SSBP2: variants seen among roughly 807,000 people sequenced by gnomAD.
The protein encoded by SSBP2 is single stranded DNA binding protein 2.
In SSBP2, 17 loss-of-function variants were observed where a neutral mutation model predicts 61.8. The ratio of observed to expected loss-of-function variants is 0.28; its 90% CI spans 0.19 to 0.41. The LOEUF is 0.41. Among genes scored for constraint, SSBP2 ranks in the 10% least tolerant of loss-of-function variants. The pLI, the probability that SSBP2 is intolerant of heterozygous loss-of-function variation, is 1.00. For synonymous variants in SSBP2, 139 were observed against 141.3 expected (o/e 0.98, Z 0.12); for missense variants, 310 against 458.7 (o/e 0.68, Z 2.96).
At chr5:81,651,445 A>C (rs1339620675) in intron 1 of SSBP2, among the ~76,000 whole-genome samples, 1 of 152,196 alleles carries the variant, frequency 6.6e-6, no homozygotes, top group African/African-American at 2.4e-5. Context: ...TTCTTTCCCC[A>C]TTCCAAAATT....
chr5:81,653,926 A>G (rs1329559827), intron 1 of SSBP2, among the ~76,000 whole-genome samples: 1 of 151,982 alleles, frequency 6.6e-6, no homozygotes, highest in African/African-American at 2.4e-5. Flanking sequence ...CTGTAGTGAC[A>G]TCTTCCGTCC....
rs1223978721 is a variant in SSBP2, at chr5:81,455,823, C to T, written c.687+5232G>A. ...AGAATAAAATTAAGGGCCACACATA[C>T]TGTCTGGCTAATCTAGACAGATCAC... On this transcript the variant is annotated intron_variant, in intron 10 of 16. Transcript: ENST00000320672. Among the ~76,000 whole-genome samples, 4 of 152,138 alleles carry T rather than the reference C, an allele frequency of 2.6e-5. No homozygotes were observed. In the East Asian group the frequency reaches 5.8e-4, roughly 22 times the overall value.
Position 81,587,279 on chromosome 5 carries a change from A to G in SSBP2, c.282+28194T>C, listed in dbSNP as rs545504364. Among the ~76,000 whole-genome samples, 4 of 152,354 alleles carry G rather than the reference A, an allele frequency of 2.6e-5. No homozygotes were observed. The South Asian group carries it at 8.3e-4, about 32-fold the overall frequency. On this transcript the variant is annotated intron_variant, in intron 4 of 16. Transcript: ENST00000320672. ...ATTTCATCCTTCGTACAAGTAAACT[A>G]GTATGAGTGTACATTAAATTTTCTC...
intron 4 of SSBP2, among the ~76,000 whole-genome samples, chr5:81,527,155 C>A (rs1390201962): frequency 6.6e-6 from 1 of 151,750 alleles, no homozygotes; most frequent in Non-Finnish European, 1.5e-5. Context: ...ATCATAGGAT[C>A]AATATGAAGT....
intron 1 of SSBP2, among the ~76,000 whole-genome samples, chr5:81,692,574 A>C (rs1027697047): frequency 1.3e-5 from 2 of 152,172 alleles, no homozygotes; most frequent in African/African-American, 4.8e-5. Flanking sequence ...AGAGAACAAA[A>C]CTGGAGAAAT....
In SSBP2 at chr5:81,442,633, TA is replaced by T; in HGVS notation, c.849+19del. ...AAAGTCTTCAAATACATTCCAAAAA[TA>T]AAAAAAGTTCATATTTACATTAGGT... On this transcript the variant is annotated intron_variant, in intron 13 of 16. Transcript: ENST00000320672. The T allele has an allele frequency of 3.5e-6, 5 of 1,432,384 alleles. No individual in the cohort carries two copies. The highest frequency in any genetic ancestry group is 2.0e-5 in the Admixed American group (1 of 50,994). 88.7% of individuals were successfully genotyped at this position (1,432,384 alleles called of 1,614,324 possible).
chr5:81,640,177 T>TA (rs1748646367), intron 2 of SSBP2, among the ~76,000 whole-genome samples: 1 of 152,032 alleles, frequency 6.6e-6, no homozygotes, highest in African/African-American at 2.4e-5. Flanking sequence ...CCATCTCTAC[T>TA]AAAAATACAA....
intron 13 of SSBP2, among the ~76,000 whole-genome samples, chr5:81,441,422 A>G (rs1273624707): frequency 6.6e-6 from 1 of 152,204 alleles, no homozygotes; most frequent in Non-Finnish European, 1.5e-5. Flanking sequence ...AAGACAAGTT[A>G]CCATGATACC....
At chr5:81,571,394 G>A (rs1773830956) in intron 4 of SSBP2, among the ~76,000 whole-genome samples, 1 of 152,114 alleles carries the variant, frequency 6.6e-6, no homozygotes, top group Admixed American at 6.5e-5. Flanking sequence ...TAGCATCTAA[G>A]CTAGTCAACA....
rs943307914 is a variant in SSBP2, at chr5:81,729,254, G to A, written c.62+21727C>T. 1.2e-4 allele frequency among the ~76,000 whole-genome samples: 18 copies of A among 152,078 alleles called. 2 individuals are homozygous for A. The highest frequency in any genetic ancestry group is 5.8e-4 in the East Asian group (3 of 5,182). On this transcript the variant is annotated intron_variant, in intron 1 of 16. Transcript: ENST00000320672. ...AATCACTGAATTAGGTTATATTTGC[G>A]CATAAAAAGTTCATCTGAACTAGCC...
chr5:81,747,841 T>C (rs1177330355), intron 1 of SSBP2, among the ~76,000 whole-genome samples: 1 of 152,162 alleles, frequency 6.6e-6, no homozygotes, highest in Non-Finnish European at 1.5e-5. Context: ...AAAGAAAGCC[T>C]GCTAAAGGAA....
chr5:81,635,227 A>G (rs1748096766), intron 3 of SSBP2, among the ~76,000 whole-genome samples: 2 of 152,246 alleles, frequency 1.3e-5, no homozygotes, highest in Non-Finnish European at 2.9e-5. Flanking sequence ...GGCAAAAAAA[A>G]AAAAATCCAT....
At chr5:81,464,768 A>C (rs2154006591) in intron 9 of SSBP2, among the ~76,000 whole-genome samples, 1 of 152,230 alleles carries the variant, frequency 6.6e-6, no homozygotes, top group East Asian at 1.9e-4. Context: ...GTAAGGTAAC[A>C]CCTTTCTAAT....
chr5:81,420,584 C>T (rs1306033255), intron 16 of SSBP2, 51 bp from the exon 17 acceptor site: 1 of 1,480,266 alleles, frequency 6.8e-7, no homozygotes, highest in Non-Finnish European at 9.4e-7. Flanking sequence ...TTAGAGATCA[C>T]TAAGGTTCTT....
At chr5:81,474,903 T>C (rs1310004619) in intron 6 of SSBP2, among the ~76,000 whole-genome samples, 1 of 152,180 alleles carries the variant, frequency 6.6e-6, no homozygotes, top group Non-Finnish European at 1.5e-5. Context: ...TAACTAATTT[T>C]GCTTCTTACA....
intron 10 of SSBP2, among the ~76,000 whole-genome samples, chr5:81,456,316 A>G (rs1764141484): frequency 7.0e-6 from 1 of 142,472 alleles, no homozygotes; most frequent in Non-Finnish European, 1.5e-5. Context: ...TTTACTATCC[A>G]TTCCTTTAAT....
At chr5:81,670,574 G>A (rs1751513954) in intron 1 of SSBP2, among the ~76,000 whole-genome samples, 1 of 152,198 alleles carries the variant, frequency 6.6e-6, no homozygotes, top group Non-Finnish European at 1.5e-5. Flanking sequence ...TCTAAATAAT[G>A]TAAATTTTAT....
chr5:81,433,008 C>T (rs1341802022), intron 15 of SSBP2, among the ~76,000 whole-genome samples: 1 of 151,548 alleles, frequency 6.6e-6, no homozygotes, highest in African/African-American at 2.4e-5. Flanking sequence ...CCCGCCCGGC[C>T]AGCCGCCCCT....
chr5:81,719,377 A>T (rs928349891), intron 1 of SSBP2, among the ~76,000 whole-genome samples: 11 of 152,310 alleles, frequency 7.2e-5, no homozygotes, highest in Non-Finnish European at 1.5e-4. Flanking sequence ...ATCCAGCCAA[A>T]CCTGTTACTT....
Sources: gnomAD v4.1 joint callset for allele counts (sites outside exome capture counted in the v4.1 genomes callset) on GRCh38, gnomAD v4.1.1 for gene constraint, MANE v1.5 for transcripts, NCBI Gene and HGNC (gene_info 2026-07-23, HGNC 2026-07-21) for gene names.